Variants in ERLIN1 observed in about 807,000 individuals in gnomAD.
ERLIN1 encodes the protein ER lipid raft associated 1.
ERLIN1 carries 24 observed loss-of-function variants against 46.9 expected under a neutral mutation model. That is an observed-to-expected ratio of 0.51 (90% CI 0.37 to 0.72). ERLIN1 has a LOEUF of 0.72. Ranked by LOEUF, ERLIN1 falls within the 30% of genes least tolerant of loss-of-function variation. The pLI is 0.00. For synonymous variants in ERLIN1, 158 were observed against 143.2 expected, an observed-to-expected ratio of 1.10 and a Z score of -0.74; for missense variants, 293 against 417.9, an observed-to-expected ratio of 0.70 and a Z score of 2.61.
At chr10:100,180,155 T>C (rs1844554781) in intron 2 of ERLIN1, among the ~76,000 whole-genome samples, 1 of 152,206 alleles carries the variant, frequency 6.6e-6, no homozygotes, top group Non-Finnish European at 1.5e-5. Flanking sequence ...AACAATCTGG[T>C]ACTTAATTGC....
intron 6 of ERLIN1, among the ~76,000 whole-genome samples, chr10:100,168,942 C>T (rs567151710): frequency 6.6e-6 from 1 of 152,214 alleles, no homozygotes; most frequent in African/African-American, 2.4e-5. Flanking sequence ...CCTCGGCCTC[C>T]CAAAGTGCTG....
rs1250629149 is a variant in ERLIN1, at chr10:100,150,586, A to T, written c.*1545T>A. ...TCCATATTACAAATGCCTCTATAGGATAAGGCCCAGGGGAAAGACCCATTC... is the reference window on the plus strand; with the variant it reads ...TCCATATTACAAATGCCTCTATAGGTTAAGGCCCAGGGGAAAGACCCATTC... On this transcript the variant is annotated 3_prime_UTR_variant, in exon 11 of 11. Coordinates refer to ENST00000421367, the MANE Select transcript of ERLIN1 (RefSeq NM_006459.4). The T allele has an allele frequency of 6.6e-6, 1 of 152,670 alleles. No homozygotes were observed. Among genetic ancestry groups the T allele is most frequent in the East Asian group, 1.9e-4 (1 of 5,206 alleles). The allele number at this position is 152,670 out of a possible 1,614,324, so 9.5% of individuals were successfully genotyped here.
At position 100,150,224 on chromosome 10, in the gene ERLIN1, G is replaced by C. The variant is rs1842733844; in HGVS notation, c.*1907C>G. 1 of 151,204 alleles carries C rather than the reference G, an allele frequency of 6.6e-6. No individual in the cohort carries two copies. 9.4% of individuals were successfully genotyped at this position (151,204 alleles called of 1,614,324 possible). On this transcript the variant is annotated 3_prime_UTR_variant, in exon 11 of 11. Coordinates refer to ENST00000421367, the MANE Select transcript of ERLIN1 (RefSeq NM_006459.4). ...CCGAAAGACGGCCAGCCTCAGAGCTGAGAGGGCACAGGGAGGCACACTCCT... is the reference window on the plus strand; with the variant it reads ...CCGAAAGACGGCCAGCCTCAGAGCTCAGAGGGCACAGGGAGGCACACTCCT...
chr10:100,176,170 G>C (rs1037028273), intron 4 of ERLIN1, 100 bp from the exon 5 acceptor site: 17 of 999,176 alleles, frequency 1.7e-5, no homozygotes, highest in Non-Finnish European at 2.1e-5. Flanking sequence ...TTACACATGA[G>C]GAAAAGTGCC....
intron 5 of ERLIN1, among the ~76,000 whole-genome samples, chr10:100,174,504 T>C (rs1392402430): frequency 6.6e-6 from 1 of 152,224 alleles, no homozygotes; most frequent in Admixed American, 6.5e-5. Context: ...ATAGTCTGTT[T>C]ATCCAATAAG....
At chr10:100,179,380 G>A (rs1156747547) in intron 2 of ERLIN1, 133 bp from the exon 3 acceptor site, 3 of 591,754 alleles carry the variant, frequency 5.1e-6, no homozygotes, top group Non-Finnish European at 6.1e-6. Context: ...AGTTCCCAAA[G>A]ATTAGCTCTC....
intron 6 of ERLIN1, among the ~76,000 whole-genome samples, chr10:100,171,321 C>T (rs564695481): frequency 5.9e-5 from 9 of 152,272 alleles, no homozygotes; most frequent in African/African-American, 2.2e-4. Context: ...GCTACAATAA[C>T]TAACATATGA....
At chr10:100,185,376 C>T in intron 1 of ERLIN1, 138 bp downstream of exon 1, 1 of 645,202 alleles carries the variant, frequency 1.5e-6, no homozygotes, top group Non-Finnish European at 2.8e-6. Context: ...CCGCAAAAGC[C>T]CGCTTCGACC....
In ERLIN1 at chr10:100,178,184, T is replaced by C. The variant is rs763080037; in HGVS notation, c.253A>G (p.Met85Val). The C allele has an allele frequency of 6.4e-7, 1 of 1,571,894 alleles. No individual in the cohort carries two copies. Among genetic ancestry groups the C allele is most frequent in the South Asian group, 1.2e-5 (1 of 85,500 alleles). The change falls in exon 4 of 11, where the codon ATG becomes GTG. Residue 85 changes from methionine (M) to valine (V), a missense_variant. Met to Val is a conservative substitution (Grantham distance 21). Around this residue, in one of 3 missense-constraint regions of ERLIN1, gnomAD observed 148 missense variants for 266.5 expected, o/e 0.56. Coordinates refer to ENST00000421367, the MANE Select transcript of ERLIN1 (RefSeq NM_006459.4). ...ACTTCTATTCGGTCAATATAGATCA[T>C]GACCCCACCACTAAAAACAAAGAAA... ...NVPCGTSGGV[M>V]IYIDRIEVVN...
chr10:100,169,021 G>C (rs1285691914), intron 6 of ERLIN1, among the ~76,000 whole-genome samples: 2 of 152,102 alleles, frequency 1.3e-5, no homozygotes, highest in African/African-American at 4.8e-5. Flanking sequence ...TGCTGAATGA[G>C]GCTGAAGAAC....
intron 7 of ERLIN1, among the ~76,000 whole-genome samples, chr10:100,165,952 T>C (rs1843614512): frequency 6.6e-6 from 1 of 151,988 alleles, no homozygotes; most frequent in South Asian, 2.1e-4. Context: ...TCTCAAACTC[T>C]TGAACTCAGG....
chr10:100,161,540 A>C (rs1271666301), intron 8 of ERLIN1, among the ~76,000 whole-genome samples: 1 of 152,176 alleles, frequency 6.6e-6, no homozygotes, highest in Non-Finnish European at 1.5e-5. Context: ...AATATTTCAC[A>C]AAACTTAAGG....
intron 10 of ERLIN1, among the ~76,000 whole-genome samples, chr10:100,152,604 T>C (rs1038987162): frequency 1.3e-5 from 2 of 152,142 alleles, no homozygotes; most frequent in African/African-American, 4.8e-5. Flanking sequence ...GATGGGGGAG[T>C]TGGAAAACAA....
intron 2 of ERLIN1, among the ~76,000 whole-genome samples, 185 bp downstream of exon 2, chr10:100,183,571 G>GT (rs1377582318): frequency 6.6e-6 from 1 of 152,190 alleles, no homozygotes; most frequent in Non-Finnish European, 1.5e-5. Flanking sequence ...TTCATTTCAA[G>GT]TAAGTGAGGT....
chr10:100,178,349 A>G (rs1259916362), intron 3 of ERLIN1, among the ~76,000 whole-genome samples, 155 bp from the exon 4 acceptor site: 1 of 152,224 alleles, frequency 6.6e-6, no homozygotes, highest in Non-Finnish European at 1.5e-5. Context: ...CTGTCCCTCT[A>G]TAGATGTCAA....
intron 1 of ERLIN1, among the ~76,000 whole-genome samples, chr10:100,185,008 G>A (rs957137125): frequency 2.0e-5 from 3 of 152,078 alleles, no homozygotes; most frequent in Non-Finnish European, 4.4e-5. Context: ...AGTAAGGAGG[G>A]AGGAGCATGG....
At chr10:100,165,086 G>A (rs1023826249) in intron 7 of ERLIN1, among the ~76,000 whole-genome samples, 1 of 152,138 alleles carries the variant, frequency 6.6e-6, no homozygotes, top group African/African-American at 2.4e-5. Context: ...GCATGTACAA[G>A]TAGCTACTGG....
chr10:100,151,760 T>C lies in ERLIN1; in HGVS notation c.*371A>G. On this transcript the variant is annotated 3_prime_UTR_variant, in exon 11 of 11. Coordinates refer to ENST00000421367, the MANE Select transcript of ERLIN1 (RefSeq NM_006459.4). ...TCATCTCTTGAATGGTGGCTGAGCATACATTTCCCCGGGGGACGAATGTAA... is the reference window on the plus strand; with the variant it reads ...TCATCTCTTGAATGGTGGCTGAGCACACATTTCCCCGGGGGACGAATGTAA... 2 of 326,452 alleles carry C rather than the reference T, an allele frequency of 6.1e-6. No individual in the cohort carries two copies. The highest frequency in any genetic ancestry group is 2.6e-5 in the South Asian group (1 of 37,834). The allele number at this position is 326,452 out of a possible 1,614,324, so 20.2% of individuals were successfully genotyped here.
chr10:100,166,226 G>A (rs1239517250), intron 7 of ERLIN1, among the ~76,000 whole-genome samples: 1 of 152,108 alleles, frequency 6.6e-6, no homozygotes, highest in Non-Finnish European at 1.5e-5. Flanking sequence ...TTGAGACCAG[G>A]CTGGGCAACA....
Sources: gnomAD v4.1 joint callset for allele counts (sites outside exome capture counted in the v4.1 genomes callset) on GRCh38, gnomAD v4.1.1 for gene constraint, gnomAD v4.1.1 regional missense constraint, MANE v1.5 for transcripts, NCBI Gene and HGNC (gene_info 2026-07-23, HGNC 2026-07-21) for gene names.